RNF14: variants seen among roughly 807,000 people sequenced by gnomAD.
RNF14 encodes ring finger protein 14, also known as E3 ubiquitin-protein ligase RNF14.
RNF14 carries 26 observed loss-of-function variants against 52.6 expected under a neutral mutation model. The observed-to-expected ratio is 0.49, with a 90% CI of 0.36 to 0.69. The LOEUF (loss-of-function observed/expected upper bound fraction) is 0.69. Among genes scored for constraint, RNF14 ranks in the 30% least tolerant of loss-of-function variants. The probability of loss-of-function intolerance (pLI) is 0.00; values close to 1 mark genes in which losing one functional copy is unlikely to be tolerated. For synonymous variants in RNF14, 194 were observed against 202.0 expected (o/e 0.96, Z 0.34); for missense variants, 404 against 560.4 (o/e 0.72, Z 2.82).
At chr5:141,951,481 C>G in the RNF14 span, 1 of 1,609,308 alleles carries the variant, frequency 6.2e-7, no homozygotes, top group African/African-American at 1.3e-5. Flanking sequence ...GTGGGGGCTA[C>G]GTGCTGCTTA....
At chr5:141,957,667 G>C (rs1482615076), upstream of RNF14, 1 of 1,614,194 alleles carries the variant, frequency 6.2e-7, no homozygotes, top group Non-Finnish European at 8.5e-7. The surrounding 1 kb of genome is among the most constrained non-coding windows in gnomAD (Gnocchi z 4.3). Flanking sequence ...GGCAGCCCCA[G>C]CTTGCCTCCG....
At chr5:141,957,928 G>A (rs1753215212), upstream of RNF14, 1 of 1,514,796 alleles carries the variant, frequency 6.6e-7, no homozygotes, top group Non-Finnish European at 8.9e-7. This position sits in a 1 kb window ranked among gnomAD's most constrained non-coding sequence, Gnocchi z 4.3. Flanking sequence ...GTGTTTCCTG[G>A]ATGGCTTGAT....
At chr5:141,957,288 A>G (rs775957499), upstream of RNF14, 4 of 1,613,474 alleles carry the variant, frequency 2.5e-6, no homozygotes, top group African/African-American at 2.7e-5. This position sits in a 1 kb window ranked among gnomAD's most constrained non-coding sequence, Gnocchi z 4.3. Context: ...TGGTCTCATC[A>G]GGGCCCACAA....
chr5:141,964,764 C>T (rs1400812589), upstream of RNF14, among the ~76,000 whole-genome samples: 1 of 148,368 alleles, frequency 6.7e-6, no homozygotes, highest in African/African-American at 2.5e-5. Context: ...CAGGTGCCCG[C>T]CACCAAGCCC....
chr5:141,967,587 G>A (rs934383185), upstream of RNF14, among the ~76,000 whole-genome samples: 8 of 152,198 alleles, frequency 5.3e-5, no homozygotes, highest in African/African-American at 1.9e-4. Flanking sequence ...CGGGTTGCTG[G>A]CCCATGAATC....
At chr5:141,951,492 C>T in the RNF14 span, 1 of 1,613,432 alleles carries the variant, frequency 6.2e-7, no homozygotes, top group Non-Finnish European at 8.5e-7. Context: ...GTGCTGCTTA[C>T]CTGCTGCCTC....
At chr5:141,977,252 G>A (rs1754351795) in intron 4 of RNF14, among the ~76,000 whole-genome samples, 1 of 152,200 alleles carries the variant, frequency 6.6e-6, no homozygotes, top group African/African-American at 2.4e-5. Context: ...GATTTATAAG[G>A]ATATTTATGC....
At chr5:141,959,227 A>C (rs1753233083) in intron 1 of RNF14, among the ~76,000 whole-genome samples, 1 of 151,608 alleles carries the variant, frequency 6.6e-6, no homozygotes, top group African/African-American at 2.4e-5. Context: ...CCTTCCTCCA[A>C]TTCTTCTCTC....
chr5:141,969,187 G>C lies in RNF14; in HGVS notation c.-181+20G>C, dbSNP rs1458210626. 6.5e-6 allele frequency: 1 copy of C among 153,194 alleles called. No individual in the cohort carries two copies. The highest frequency in any genetic ancestry group is 1.5e-5 in the Non-Finnish European group (1 of 68,732). The allele number at this position is 153,194 out of a possible 1,614,324, so 9.5% of individuals were successfully genotyped here. On this transcript the variant is annotated intron_variant, in intron 1 of 8. Coordinates refer to ENST00000394520, the MANE Select transcript of RNF14 (RefSeq NM_004290.5). Reference sequence around the variant, plus strand: ...GCGGCGGTGAGTGGGCCCCAGGCAAGGGCGGAGGGCGGAACTTTGGGGTTC... The same window carrying C: ...GCGGCGGTGAGTGGGCCCCAGGCAACGGCGGAGGGCGGAACTTTGGGGTTC...
upstream of RNF14, among the ~76,000 whole-genome samples, chr5:141,967,122 G>A (rs1409629580): frequency 6.6e-6 from 1 of 152,110 alleles, no homozygotes; most frequent in African/African-American, 2.4e-5. Flanking sequence ...CTATTTCAAG[G>A]TTCTTTCTGT....
Position 141,983,379 on chromosome 5 carries a change from G to A in RNF14, c.1064-1G>A. On this transcript the variant is annotated splice_acceptor_variant, in intron 6 of 8. Transcript: ENST00000394520. LOFTEE classifies it high-confidence loss of function. ...AGTTAATTTTCCATTTCACTTTGTA[G>A]AGAAATTAATGGACTTACGAAATGA... 2 of 1,607,892 alleles carry A rather than the reference G, an allele frequency of 1.2e-6. No homozygotes were observed. The highest frequency in any genetic ancestry group is 1.7e-6 in the Non-Finnish European group (2 of 1,178,202).
chr5:141,976,807 G>A (rs1213161259), intron 4 of RNF14, among the ~76,000 whole-genome samples: 1 of 67,466 alleles, frequency 1.5e-5, no homozygotes, highest in Non-Finnish European at 3.1e-5. Flanking sequence ...TTTTTTTTTT[G>A]AGATGGAGTC....
intron 8 of RNF14, among the ~76,000 whole-genome samples, chr5:141,985,350 T>C (rs549930642): frequency 2.6e-5 from 4 of 152,302 alleles, no homozygotes; most frequent in African/African-American, 9.6e-5. Flanking sequence ...GACAGTACTT[T>C]TAAAAAACTT....
At chr5:141,973,287 G>A (rs1040385933) in intron 2 of RNF14, among the ~76,000 whole-genome samples, 4 of 144,020 alleles carry the variant, frequency 2.8e-5, no homozygotes, top group Non-Finnish European at 1.5e-5. Flanking sequence ...CGCCCAGGCT[G>A]GAGTGCAGTG....
At chr5:141,966,371 AAAAT>A (rs1298209822), upstream of RNF14, among the ~76,000 whole-genome samples, 1 of 152,212 alleles carries the variant, frequency 6.6e-6, no homozygotes, top group African/African-American at 2.4e-5. Context: ...TTTTATATTA[AAAAT>A]AAATAAAAAT....
chr5:141,974,687 G>A (rs1195686846), intron 3 of RNF14, 117 bp from the exon 4 acceptor site: 3 of 941,588 alleles, frequency 3.2e-6, no homozygotes, highest in Admixed American at 2.7e-5. Flanking sequence ...AAGTGCTTTG[G>A]GGGAGGGTTT....
upstream of RNF14, among the ~76,000 whole-genome samples, chr5:141,961,963 G>T (rs1281729498): frequency 6.6e-6 from 1 of 152,174 alleles, no homozygotes; most frequent in East Asian, 1.9e-4. Flanking sequence ...CTCCCCTGTG[G>T]TTGCCACAGC....
intron 5 of RNF14, 86 bp downstream of exon 5, chr5:141,978,916 A>G: frequency 1.4e-6 from 2 of 1,455,762 alleles, no homozygotes; most frequent in East Asian, 2.3e-5. Context: ...GATAGGGCTC[A>G]TGGGGCAGTC....
intron 2 of RNF14, among the ~76,000 whole-genome samples, chr5:141,971,803 A>G (rs1432846723): frequency 6.6e-6 from 1 of 151,242 alleles, no homozygotes; most frequent in African/African-American, 2.4e-5. Flanking sequence ...GTGTACCACA[A>G]TGCCCGGCTA....
Sources: allele counts gnomAD v4.1 joint callset (sites outside exome capture counted in the v4.1 genomes callset), GRCh38; gene constraint gnomAD v4.1.1; non-coding constraint Gnocchi (gnomAD v3.1); transcripts MANE v1.5; gene names NCBI Gene and HGNC (gene_info 2026-07-23, HGNC 2026-07-21).